NEK4: variants seen among roughly 807,000 people sequenced by gnomAD.
NEK4 encodes the protein NIMA related kinase 4, also known as serine/threonine-protein kinase Nek4.
In NEK4, 86 loss-of-function variants were observed where a neutral mutation model predicts 98.4. That is an observed-to-expected ratio of 0.87 (90% CI 0.73 to 1.05). The LOEUF (loss-of-function observed/expected upper bound fraction) is 1.05. NEK4 is among the 50% of genes least tolerant of loss of function. The pLI is 0.00. For missense variants in NEK4, 898 were observed against 950.3 expected, an observed-to-expected ratio of 0.94 and a Z score of 0.72; for synonymous variants, 328 against 342.2, an observed-to-expected ratio of 0.96 and a Z score of 0.46.
chr3:52,759,000 G>A (rs909094675), intron 6 of NEK4, among the ~76,000 whole-genome samples: 3 of 151,424 alleles, frequency 2.0e-5, no homozygotes, highest in Non-Finnish European at 4.4e-5. Flanking sequence ...TGAGGTAGGA[G>A]GATCCCTTGA....
chr3:52,718,620 A>C (rs2097357349), intron 15 of NEK4, among the ~76,000 whole-genome samples: 1 of 152,214 alleles, frequency 6.6e-6, no homozygotes, highest in African/African-American at 2.4e-5. Flanking sequence ...AGATAACAGT[A>C]GATTCACAAC....
chr3:52,770,570 C>T (rs1364776377), intron 1 of NEK4, 84 bp downstream of exon 1: 2 of 1,057,224 alleles, frequency 1.9e-6, no homozygotes, highest in South Asian at 1.4e-5. Context: ...CCTCTTGCGA[C>T]CACCCCCGAC....
At position 52,739,532 on chromosome 3, in the gene NEK4, TG is replaced by T. The variant is rs1199529738; in HGVS notation, c.2195del (p.Pro732GlnfsTer15). 1 of 1,614,176 alleles carries T rather than the reference TG, an allele frequency of 6.2e-7. No individual in the cohort carries two copies. The highest frequency in any genetic ancestry group is 1.7e-5 in the Admixed American group (1 of 60,022). ...ESCEDVPVAN[P>X]VSEFKLHRKY... ...TCCGATGAAGTTTGAATTCTGACAC[TG>T]GGTTTGCTACCGGGACATCTTCACA... On this transcript the variant is annotated frameshift_variant, in exon 14 of 16. Transcript: ENST00000233027. LOFTEE classifies it high-confidence loss of function.
At chr3:52,751,175 GC>G (rs2097404261) in intron 7 of NEK4, among the ~76,000 whole-genome samples, 1 of 152,112 alleles carries the variant, frequency 6.6e-6, no homozygotes, top group Non-Finnish European at 1.5e-5. Flanking sequence ...CCGGGCATCG[GC>G]CGAGTGCGGT....
chr3:52,712,397 A>G (rs989345002), intron 15 of NEK4, among the ~76,000 whole-genome samples: 1 of 151,968 alleles, frequency 6.6e-6, no homozygotes, highest in Admixed American at 6.6e-5. Flanking sequence ...TGGGGCTCTG[A>G]CCCCATGGTA....
intron 2 of NEK4, 138 bp downstream of exon 2, chr3:52,768,200 C>A: frequency 1.4e-6 from 1 of 721,616 alleles, no homozygotes. Flanking sequence ...GAAAGAGTGA[C>A]TGGGTCAACT....
intron 15 of NEK4, among the ~76,000 whole-genome samples, chr3:52,714,814 C>A (rs1424240065): frequency 6.6e-6 from 1 of 152,250 alleles, no homozygotes; most frequent in Admixed American, 6.5e-5. Flanking sequence ...ACCCCCAGCT[C>A]CAATCTCAGA....
intron 15 of NEK4, among the ~76,000 whole-genome samples, chr3:52,724,093 T>C (rs1327349134): frequency 6.6e-6 from 1 of 152,016 alleles, no homozygotes; most frequent in African/African-American, 2.4e-5. Flanking sequence ...ATTAGCCCCA[T>C]GTGATGCCAC....
intron 15 of NEK4, among the ~76,000 whole-genome samples, chr3:52,716,868 G>A (rs1218362136): frequency 6.6e-6 from 1 of 152,136 alleles, no homozygotes; most frequent in East Asian, 1.9e-4. Context: ...TCTCCATCCC[G>A]CCTAAGTGAG....
chr3:52,713,890 T>C (rs1442474081), intron 15 of NEK4, among the ~76,000 whole-genome samples: 1 of 151,902 alleles, frequency 6.6e-6, no homozygotes, highest in Non-Finnish European at 1.5e-5. Flanking sequence ...AATGTAATCC[T>C]GTTTGGTTCC....
intron 6 of NEK4, chr3:52,754,616 A>G: frequency 1.1e-6 from 1 of 888,814 alleles, no homozygotes; most frequent in Non-Finnish European, 1.8e-6. Flanking sequence ...CAATAAGTGT[A>G]CGTGTCGCCG....
At chr3:52,724,383 A>G (rs1313103070) in intron 15 of NEK4, among the ~76,000 whole-genome samples, 2 of 152,210 alleles carry the variant, frequency 1.3e-5, no homozygotes, top group Non-Finnish European at 2.9e-5. Flanking sequence ...TGGAGGCCAG[A>G]AAGCAGTGGG....
In NEK4 at chr3:52,770,772, G is replaced by A. The variant is rs1698754155; in HGVS notation, c.-26C>T. The A allele has an allele frequency of 6.5e-7, 1 of 1,546,154 alleles. No homozygotes were observed. The highest frequency in any genetic ancestry group is 8.7e-7 in the Non-Finnish European group (1 of 1,145,208). ...GTTCCCAGCGCTGGCCCAGAGTCGGGATGCGGCGGCAGCGGCGGGTAGGGC... is the reference window on the plus strand; with the variant it reads ...GTTCCCAGCGCTGGCCCAGAGTCGGAATGCGGCGGCAGCGGCGGGTAGGGC... On this transcript the variant is annotated 5_prime_UTR_variant, in exon 1 of 16. Transcript: ENST00000233027.
chr3:52,716,261 C>G (rs2097355068), intron 15 of NEK4, among the ~76,000 whole-genome samples: 1 of 152,190 alleles, frequency 6.6e-6, no homozygotes, highest in South Asian at 2.1e-4. Context: ...CAGGCAAAGG[C>G]GCCATCAGCC....
At chr3:52,739,353 C>CACACT in intron 14 of NEK4, 76 bp downstream of exon 14, 1 of 1,258,986 alleles carries the variant, frequency 7.9e-7, no homozygotes, top group Non-Finnish European at 1.1e-6. Context: ...GAGCCAAGAT[C>CACACT]ACACTACTGC....
rs142826971 is a variant in NEK4 at position 52,746,750 on chromosome 3, C to T, written c.1661G>A (p.Arg554His). ...ATGACTTACAGCAAAGAGATCTCTGCGGACCTGTCTCTTTTCCCCTCTGTG... is the reference window on the plus strand; with the variant it reads ...ATGACTTACAGCAAAGAGATCTCTGTGGACCTGTCTCTTTTCCCCTCTGTG... ...TEHRGEKRQVRRDLFAFQESP... is the reference protein window; with the variant it reads ...TEHRGEKRQVHRDLFAFQESP... Residue 554 changes from arginine (R) to histidine (H), a missense_variant, in exon 9 of 16, where the codon CGC (arginine) becomes CAC (histidine). Arg to His is a conservative substitution (Grantham distance 29). Coordinates refer to ENST00000233027, the MANE Select transcript of NEK4 (RefSeq NM_003157.6). The T allele has an allele frequency of 1.0e-4, 161 of 1,613,116 alleles. No individual in the cohort carries two copies. The highest frequency in any genetic ancestry group is 1.3e-4 in the Non-Finnish European group (151 of 1,179,664).
rs775084975 is a variant in NEK4 at position 52,766,304 on chromosome 3, GAT to G, written c.430_431del (p.Ile144HisfsTer17). ...TQNVFLTRTN[I>X]IKVGDLGIAR... ...CAATTCCTAGGTCCCCTACTTTGAT[GAT>G]GTTTGTTCTTGTTAGGAAGACATTT... is the stretch of plus-strand genomic sequence containing the variant. On this transcript the variant is annotated frameshift_variant, in exon 3 of 16. Coordinates refer to ENST00000233027, the MANE Select transcript of NEK4 (RefSeq NM_003157.6). LOFTEE classifies it high-confidence loss of function. 1 of 1,614,050 alleles carries G rather than the reference GAT, an allele frequency of 6.2e-7. No individual in the cohort carries two copies. Among genetic ancestry groups the G allele is most frequent in the African/African-American group, 1.3e-5 (1 of 75,060 alleles).
At chr3:52,745,166 A>C (rs1358536655) in intron 10 of NEK4, among the ~76,000 whole-genome samples, 3 of 151,808 alleles carry the variant, frequency 2.0e-5, no homozygotes, top group African/African-American at 7.2e-5. Flanking sequence ...TGATCTGCCC[A>C]CCTCGGCCTC....
At chr3:52,718,882 C>A (rs2097357611) in intron 15 of NEK4, among the ~76,000 whole-genome samples, 1 of 152,180 alleles carries the variant, frequency 6.6e-6, no homozygotes. Flanking sequence ...CTCAGCCTCC[C>A]AAGTAGCTGG....
Sources: gnomAD v4.1 joint callset for allele counts (sites outside exome capture counted in the v4.1 genomes callset) on GRCh38, gnomAD v4.1.1 for gene constraint, MANE v1.5 for transcripts, NCBI Gene and HGNC (gene_info 2026-07-23, HGNC 2026-07-21) for gene names.